Variants in DLGAP1 observed in about 807,000 individuals in gnomAD.
The protein encoded by DLGAP1 is disks large-associated protein 1.
A neutral mutation model predicts 90.8 loss-of-function variants in DLGAP1; 11 were observed. The ratio of observed to expected loss-of-function variants is 0.12; its 90% CI spans 0.08 to 0.20. The LOEUF (loss-of-function observed/expected upper bound fraction) is 0.20. DLGAP1 is among the 10% of genes least tolerant of loss of function. DLGAP1 has a pLI of 1.00. For missense variants in DLGAP1, 1,050 were observed against 1,333.8 expected (o/e 0.79, Z 3.31); for synonymous variants, 558 against 540.7 (o/e 1.03, Z -0.44).
chr18:3,809,422 CA>C lies in DLGAP1; in HGVS notation c.1172+4636del, dbSNP rs1414813842. 4.5e-4 allele frequency among the ~76,000 whole-genome samples: 69 copies of C among 152,118 alleles called. 1 individual carries two copies. Among genetic ancestry groups the C allele is most frequent in the Non-Finnish European group, 1.3e-4 (9 of 67,988 alleles). ...AAACAAACAAACAAAGGTTCAGGGC[CA>C]GGGGGAAAAATGAAGATTAAGAGGA... is the stretch of plus-strand genomic sequence containing the variant. On this transcript the variant is annotated intron_variant, in intron 5 of 12. Coordinates refer to ENST00000315677, the MANE Select transcript of DLGAP1 (RefSeq NM_004746.4).
intron 5 of DLGAP1, among the ~76,000 whole-genome samples, chr18:3,791,943 C>T (rs79513510): frequency 0.011 from 1,666 of 152,270 alleles, 11 homozygotes; most frequent in Non-Finnish European, 0.017. Context: ...GGCAAATGGG[C>T]AATTCATCAT....
At chr18:4,081,908 TAAG>T (rs915699408) in intron 2 of DLGAP1, among the ~76,000 whole-genome samples, 1 of 152,162 alleles carries the variant, frequency 6.6e-6, no homozygotes, top group African/African-American at 2.4e-5. Flanking sequence ...CCCTTTTCCT[TAAG>T]AAGAAGGGTA....
intron 7 of DLGAP1, among the ~76,000 whole-genome samples, chr18:3,659,195 T>C (rs1182584069): frequency 6.6e-6 from 1 of 152,184 alleles, no homozygotes. Context: ...CACAAAATTG[T>C]ACAACGAGTG....
intron 7 of DLGAP1, among the ~76,000 whole-genome samples, chr18:3,719,264 T>C (rs1423767451): frequency 6.6e-6 from 1 of 151,872 alleles, no homozygotes; most frequent in Non-Finnish European, 1.5e-5. Context: ...AATCTACACG[T>C]GATAAAATTA....
chr18:4,025,700 C>G (rs1343395768), intron 2 of DLGAP1, among the ~76,000 whole-genome samples: 1 of 152,122 alleles, frequency 6.6e-6, no homozygotes, highest in East Asian at 1.9e-4. Context: ...TGTTTTCCAT[C>G]TGAGTTCTAT....
chr18:3,834,270 C>A (rs1402072620), intron 4 of DLGAP1, among the ~76,000 whole-genome samples: 2 of 135,930 alleles, frequency 1.5e-5, no homozygotes, highest in African/African-American at 2.8e-5. Context: ...CGCGCCACTG[C>A]ACTCCAGCCT....
At chr18:3,873,151 T>G (rs1363564966) in intron 4 of DLGAP1, among the ~76,000 whole-genome samples, 1 of 152,180 alleles carries the variant, frequency 6.6e-6, no homozygotes, top group Non-Finnish European at 1.5e-5. Flanking sequence ...TCACAATGTT[T>G]TGTCAATTTT....
Position 3,816,901 on chromosome 18 carries a change from C to T in DLGAP1, c.958-2628G>A, listed in dbSNP as rs190888056. Among the ~76,000 whole-genome samples the T allele has an allele frequency of 5.3e-5, 8 of 152,290 alleles. No individual in the cohort carries two copies. In the East Asian group the frequency reaches 1.5e-3, roughly 29 times the overall value. On this transcript the variant is annotated intron_variant, in intron 4 of 12. Transcript: ENST00000315677. The stretch of plus-strand genomic sequence containing the variant: ...TGCTCATCACATTTGATACACTTGT[C>T]ATTTATTAATTATGCTAGTAACAAT...
At chr18:4,310,582 C>CT (rs1352911095) in intron 1 of DLGAP1, among the ~76,000 whole-genome samples, 2 of 152,144 alleles carry the variant, frequency 1.3e-5, no homozygotes, top group Non-Finnish European at 2.9e-5. Context: ...TAGCACTGTG[C>CT]TTTATCATAG....
chr18:3,554,501 T>C (rs1383169316), intron 9 of DLGAP1, among the ~76,000 whole-genome samples: 1 of 152,158 alleles, frequency 6.6e-6, no homozygotes, highest in East Asian at 1.9e-4. Flanking sequence ...GCATTTAAAC[T>C]AGTGATCTTC....
At chr18:3,914,412 A>C (rs771158362) in intron 3 of DLGAP1, among the ~76,000 whole-genome samples, 1 of 152,182 alleles carries the variant, frequency 6.6e-6, no homozygotes, top group African/African-American at 2.4e-5. Context: ...AATAGTGTTC[A>C]ATTTTTAATA....
At chr18:3,819,823 T>G (rs1309482184) in intron 4 of DLGAP1, among the ~76,000 whole-genome samples, 1 of 152,226 alleles carries the variant, frequency 6.6e-6, no homozygotes, top group African/African-American at 2.4e-5. Flanking sequence ...TTGTTATTTT[T>G]TGATAAACTA....
intron 4 of DLGAP1, chr18:3,845,304 G>A: frequency 6.2e-7 from 1 of 1,610,534 alleles, no homozygotes; most frequent in Non-Finnish European, 8.5e-7. Flanking sequence ...GCTTTGATTT[G>A]GTATAGTGCA....
chr18:4,275,819 G>A (rs1020074982), intron 1 of DLGAP1, among the ~76,000 whole-genome samples: 4 of 152,040 alleles, frequency 2.6e-5, no homozygotes, highest in Non-Finnish European at 5.9e-5. Context: ...AAAATATAAA[G>A]TTGAGATACA....
intron 5 of DLGAP1, among the ~76,000 whole-genome samples, chr18:3,812,343 A>C (rs186636769): frequency 7.3e-5 from 11 of 151,178 alleles, no homozygotes; most frequent in Admixed American, 6.0e-4. Context: ...AAGTGCAATG[A>C]AGACTTGTTT....
intron 2 of DLGAP1, among the ~76,000 whole-genome samples, chr18:4,097,616 G>T (rs1280076661): frequency 6.6e-6 from 1 of 152,098 alleles, no homozygotes; most frequent in Non-Finnish European, 1.5e-5. Flanking sequence ...CAGTGCAACA[G>T]ATAGTTATAT....
At chr18:3,814,391 T>C (rs1353211328) in intron 4 of DLGAP1, 118 bp from the exon 5 acceptor site, 1 of 964,244 alleles carries the variant, frequency 1.0e-6, no homozygotes, top group Non-Finnish European at 1.5e-6. Flanking sequence ...AGATGGGGTC[T>C]TGCTTTGTCG....
intron 8 of DLGAP1, among the ~76,000 whole-genome samples, chr18:3,577,272 C>A (rs1024911101): frequency 1.3e-5 from 2 of 152,240 alleles, no homozygotes; most frequent in Non-Finnish European, 2.9e-5. Context: ...CCAGGCCTTT[C>A]TTCTGAGCTC....
rs1177239198 is a variant in DLGAP1, at chr18:3,499,991, C to T, written c.2725-597G>A. Among the ~76,000 whole-genome samples, 1 of 152,202 alleles carries T rather than the reference C, an allele frequency of 6.6e-6. No individual in the cohort carries two copies. Among genetic ancestry groups the T allele is most frequent in the Admixed American group, 6.5e-5 (1 of 15,278 alleles). On this transcript the variant is annotated intron_variant, in intron 12 of 12. Transcript: ENST00000315677. This position sits in a 1 kb window ranked among gnomAD's most constrained non-coding sequence, Gnocchi z 6.4. ...CCCTTTTGCACACCACACACGAACA[C>T]ACAAGCAATATACAATATACAGGGT... is the stretch of plus-strand genomic sequence containing the variant.
Sources: allele counts gnomAD v4.1 joint callset (sites outside exome capture counted in the v4.1 genomes callset), GRCh38; gene constraint gnomAD v4.1.1; non-coding constraint Gnocchi (gnomAD v3.1); transcripts MANE v1.5; gene names NCBI Gene and HGNC (gene_info 2026-07-23, HGNC 2026-07-21).